The following AK5 variants were observed in gnomAD, a reference collection of about 807,000 sequenced individuals.
AK5 encodes the protein adenylate kinase 5.
A neutral mutation model predicts 69.5 loss-of-function variants in AK5; 27 were observed. That is an observed-to-expected ratio of 0.39 (90% CI 0.29 to 0.54). The LOEUF (loss-of-function observed/expected upper bound fraction) is 0.54. Ranked by LOEUF, AK5 falls within the 20% of genes least tolerant of loss-of-function variation. AK5 has a pLI of 0.71. For synonymous variants in AK5, 260 were observed against 244.4 expected (o/e 1.06, Z -0.60); for missense variants, 531 against 700.4 (o/e 0.76, Z 2.73).
intron 1 of AK5, 134 bp from the exon 2 acceptor site, chr1:77,286,807 A>C (rs190253352): frequency 2.1e-6 from 1 of 468,526 alleles, no homozygotes; most frequent in African/African-American, 2.0e-5. Flanking sequence ...AGATTGTGCC[A>C]CTGCACTCCA....
chr1:77,497,522 G>T (rs1352994575), intron 10 of AK5, among the ~76,000 whole-genome samples: 1 of 152,250 alleles, frequency 6.6e-6, no homozygotes, highest in East Asian at 1.9e-4. Context: ...CAATTCCAGA[G>T]ACAGAAGTGC....
intron 5 of AK5, chr1:77,314,832 C>T (rs1193816011): frequency 6.6e-6 from 1 of 152,044 alleles, no homozygotes; most frequent in Non-Finnish European, 1.5e-5. Flanking sequence ...CTGTAAGGTC[C>T]ATAGTATTCC....
chr1:77,327,610 C>T (rs1470047693), intron 5 of AK5, among the ~76,000 whole-genome samples: 1 of 152,178 alleles, frequency 6.6e-6, no homozygotes, highest in Admixed American at 6.5e-5. Flanking sequence ...ATAAACTGAT[C>T]ACCATGAACC....
chr1:77,542,889 G>A (rs1029856301), intron 13 of AK5, among the ~76,000 whole-genome samples: 5 of 152,038 alleles, frequency 3.3e-5, no homozygotes, highest in Non-Finnish European at 7.4e-5. Flanking sequence ...CTGTCCCTGC[G>A]TTATTTGCTA....
Position 77,556,323 on chromosome 1 carries a change from A to G in AK5, c.1621-2279A>G, listed in dbSNP as rs143719466. ...AATCATTTCCTTGCTTCTCTTTATG[A>G]CTTTATTGCCTATGTATGGATCCCT... On this transcript the variant is annotated intron_variant, in intron 13 of 13. Coordinates refer to ENST00000354567, the MANE Select transcript of AK5 (RefSeq NM_174858.3). Among the ~76,000 whole-genome samples the G allele has an allele frequency of 2.6e-3, 400 of 152,190 alleles. 2 individuals are homozygous for G. Among genetic ancestry groups the G allele is most frequent in the African/African-American group, 8.6e-3 (359 of 41,520 alleles).
chr1:77,407,590 G>C (rs1390893824), intron 6 of AK5, among the ~76,000 whole-genome samples: 1 of 152,088 alleles, frequency 6.6e-6, no homozygotes, highest in Non-Finnish European at 1.5e-5. Flanking sequence ...TTTCACGGGT[G>C]TAGACATATA....
At chr1:77,546,261 G>A (rs1659539998) in intron 13 of AK5, among the ~76,000 whole-genome samples, 1 of 152,014 alleles carries the variant, frequency 6.6e-6, no homozygotes, top group South Asian at 2.1e-4. Context: ...CCATGTTAGG[G>A]CACCCCCTTC....
intron 5 of AK5, among the ~76,000 whole-genome samples, chr1:77,327,083 G>A (rs1037348840): frequency 6.6e-6 from 1 of 152,082 alleles, no homozygotes; most frequent in African/African-American, 2.4e-5. Context: ...AGAGAGAGCT[G>A]GCTTAGAAGT....
At chr1:77,301,403 G>A (rs1034658058) in intron 5 of AK5, among the ~76,000 whole-genome samples, 2 of 152,204 alleles carry the variant, frequency 1.3e-5, no homozygotes, top group African/African-American at 2.4e-5. Context: ...AGTCCTGTTG[G>A]AACTGAGAGG....
At chr1:77,429,251 T>A (rs1226652052) in intron 8 of AK5, among the ~76,000 whole-genome samples, 3 of 152,214 alleles carry the variant, frequency 2.0e-5, no homozygotes, top group Non-Finnish European at 4.4e-5. Flanking sequence ...CTCCACATCC[T>A]CTCCAGCACC....
chr1:77,518,868 C>A (rs1657820805), intron 11 of AK5, 141 bp downstream of exon 11: 1 of 823,606 alleles, frequency 1.2e-6, no homozygotes, highest in Non-Finnish European at 1.9e-6. Context: ...TTGCAGCAAT[C>A]CAGATGCAGG....
intron 8 of AK5, among the ~76,000 whole-genome samples, chr1:77,437,501 T>G (rs1652024274): frequency 6.6e-6 from 1 of 152,162 alleles, no homozygotes; most frequent in Admixed American, 6.5e-5. Context: ...TTATTTGCCC[T>G]GATAGGTGAT....
chr1:77,351,620 T>C (rs1017276342), intron 6 of AK5, among the ~76,000 whole-genome samples: 1 of 152,102 alleles, frequency 6.6e-6, no homozygotes, highest in African/African-American at 2.4e-5. Context: ...GGTGAGATAG[T>C]AAAGGGCTGG....
chr1:77,455,966 G>A (rs1338749806), intron 8 of AK5, among the ~76,000 whole-genome samples: 1 of 152,168 alleles, frequency 6.6e-6, no homozygotes, highest in African/African-American at 2.4e-5. Context: ...CAAAATGTAA[G>A]AAAGTATGAT....
chr1:77,443,570 T>G (rs1652462761), intron 8 of AK5, among the ~76,000 whole-genome samples: 1 of 152,120 alleles, frequency 6.6e-6, no homozygotes, highest in African/African-American at 2.4e-5. Context: ...GTACTTCTTT[T>G]GTGTCCACTG....
At chr1:77,427,623 C>G (rs1651300373) in intron 8 of AK5, among the ~76,000 whole-genome samples, 1 of 152,060 alleles carries the variant, frequency 6.6e-6, no homozygotes. Flanking sequence ...TTCTATGAAC[C>G]ATTCTCTATA....
intron 6 of AK5, among the ~76,000 whole-genome samples, chr1:77,392,317 G>A (rs915409840): frequency 1.3e-5 from 2 of 152,140 alleles, no homozygotes; most frequent in African/African-American, 2.4e-5. Flanking sequence ...ATACATTTGA[G>A]GCCTTTTTAA....
At chr1:77,396,196 A>G (rs899638644) in intron 6 of AK5, among the ~76,000 whole-genome samples, 1 of 152,202 alleles carries the variant, frequency 6.6e-6, no homozygotes. Flanking sequence ...AAATTCACAT[A>G]AAGTCTTAGC....
At chr1:77,395,561 T>G (rs1183982214) in intron 6 of AK5, among the ~76,000 whole-genome samples, 1 of 152,204 alleles carries the variant, frequency 6.6e-6, no homozygotes, top group East Asian at 1.9e-4. Context: ...CAGATGTGGC[T>G]TGAGGCAGCA....
Sources: gnomAD v4.1 joint callset for allele counts (sites outside exome capture counted in the v4.1 genomes callset) on GRCh38, gnomAD v4.1.1 for gene constraint, MANE v1.5 for transcripts, NCBI Gene and HGNC (gene_info 2026-07-23, HGNC 2026-07-21) for gene names.